The following SPRY3 variants were observed in gnomAD, a reference collection of about 807,000 sequenced individuals.
The protein encoded by SPRY3 is sprouty RTK signaling antagonist 3, also known as protein sprouty homolog 3.
In SPRY3, 15 loss-of-function variants were observed where a neutral mutation model predicts 20.2. The ratio of observed to expected loss-of-function variants is 0.74; its 90% CI spans 0.50 to 1.14. SPRY3 has a LOEUF of 1.14. Among genes scored for constraint, SPRY3 ranks in the 50% most tolerant of loss-of-function variants. The pLI is 0.00. For synonymous variants in SPRY3, 143 were observed against 136.5 expected (o/e 1.05, Z -0.33); for missense variants, 364 against 363.9 (o/e 1.00, Z 0.00).
intron 2 of SPRY3, among the ~76,000 whole-genome samples, chrX:155,680,372 A>T (rs1249369151): frequency 9.1e-6 from 1 of 109,683 alleles, no homozygotes; most frequent in African/African-American, 3.3e-5. Flanking sequence ...TGACGACTTA[A>T]GGTAGAAATG....
At chrX:155,704,882 A>T (rs976606753) in intron 2 of SPRY3, among the ~76,000 whole-genome samples, 2 of 151,630 alleles carry the variant, frequency 1.3e-5, no homozygotes, top group Admixed American at 1.3e-4. Flanking sequence ...TAGAAAGAAT[A>T]ATTTGTCAAC....
intron 2 of SPRY3, among the ~76,000 whole-genome samples, chrX:155,742,599 C>G (rs1210251112): frequency 6.6e-6 from 1 of 152,114 alleles, no homozygotes; most frequent in Non-Finnish European, 1.5e-5. Context: ...GTAAGTAAAA[C>G]ACTCCTCAGC....
intron 2 of SPRY3, among the ~76,000 whole-genome samples, chrX:155,688,307 C>G (rs1041376971): frequency 3.6e-5 from 4 of 110,498 alleles, no homozygotes; most frequent in Non-Finnish European, 5.7e-5. Context: ...TAGGTTTATT[C>G]CATGTCTTTG....
intron 1 of SPRY3, among the ~76,000 whole-genome samples, chrX:155,643,495 A>G (rs2067948480): frequency 9.0e-6 from 1 of 111,482 alleles, no homozygotes; most frequent in Admixed American, 9.5e-5. Context: ...TACTACTGCC[A>G]TATTGTTATT....
At chrX:155,685,049 A>G (rs757089323) in intron 2 of SPRY3, among the ~76,000 whole-genome samples, 3 of 111,797 alleles carry the variant, frequency 2.7e-5, no homozygotes, top group Non-Finnish European at 5.6e-5. Context: ...CAGCAATTTG[A>G]TTATGATGTA....
At chrX:155,748,618 C>G (rs962791639) in intron 2 of SPRY3, among the ~76,000 whole-genome samples, 1 of 151,780 alleles carries the variant, frequency 6.6e-6, no homozygotes, top group South Asian at 2.1e-4. Flanking sequence ...AAGACGAAGA[C>G]TTCTAAAGGA....
intron 2 of SPRY3, among the ~76,000 whole-genome samples, chrX:155,719,653 C>G (rs1445894527): frequency 6.6e-6 from 1 of 152,090 alleles, no homozygotes; most frequent in East Asian, 1.9e-4. Context: ...CAGGATAGGG[C>G]ATTGGTCAGA....
chrX:155,641,487 G>A (rs1557351411), intron 1 of SPRY3, among the ~76,000 whole-genome samples: 1 of 115,085 alleles, frequency 8.7e-6, no homozygotes, highest in Non-Finnish European at 1.9e-5. Context: ...AGAGAAAAAA[G>A]CTGTAGGCTT....
At chrX:155,619,997 C>A (rs1557349261) in intron 1 of SPRY3, among the ~76,000 whole-genome samples, 1 of 111,745 alleles carries the variant, frequency 8.9e-6, no homozygotes. Flanking sequence ...CACAACACTT[C>A]ACACAAGCTA....
exon 4 of SPRY3, chrX:155,774,251 G>A: frequency 6.2e-7 from 1 of 1,613,992 alleles, no homozygotes; most frequent in Middle Eastern, 1.7e-4. Context: ...AAGGCTGATG[G>A]TGCTCTGAAG....
At chrX:155,627,601 G>GAT (rs1301908280) in intron 1 of SPRY3, among the ~76,000 whole-genome samples, 1 of 110,770 alleles carries the variant, frequency 9.0e-6, no homozygotes, top group Non-Finnish European at 1.9e-5. Context: ...ATTTTCTTTG[G>GAT]ATATATACCC....
intron 2 of SPRY3, among the ~76,000 whole-genome samples, chrX:155,679,044 T>TC (rs2068065807): frequency 9.1e-6 from 1 of 110,208 alleles, no homozygotes; most frequent in East Asian, 2.9e-4. Context: ...CCAGGGCCTG[T>TC]AGGGGCGTGG....
intron 2 of SPRY3, among the ~76,000 whole-genome samples, chrX:155,764,864 A>G (rs1174937680): frequency 6.6e-6 from 1 of 152,178 alleles, no homozygotes; most frequent in Non-Finnish European, 1.5e-5. Context: ...ACTGTAACAA[A>G]ATACCTTTGA....
intron 2 of SPRY3, among the ~76,000 whole-genome samples, chrX:155,713,424 TTGTC>T (rs2091000659): frequency 6.6e-6 from 1 of 152,120 alleles, no homozygotes; most frequent in Admixed American, 6.6e-5. Context: ...CAGCTTTTGT[TTGTC>T]TGGGAATGTA....
chrX:155,652,436 ACT>A (rs1453060333), intron 1 of SPRY3, among the ~76,000 whole-genome samples: 1 of 110,050 alleles, frequency 9.1e-6, no homozygotes, highest in African/African-American at 3.3e-5. Context: ...CCATCCTTCT[ACT>A]CTCTATCTCC....
intron 2 of SPRY3, among the ~76,000 whole-genome samples, chrX:155,682,263 A>G (rs750750543): frequency 2.5e-4 from 28 of 112,789 alleles, no homozygotes; most frequent in Non-Finnish European, 4.5e-4. Context: ...TGTTTACAGC[A>G]TAGTTTACTG....
intron 2 of SPRY3, among the ~76,000 whole-genome samples, chrX:155,728,190 C>A (rs767906764): frequency 6.6e-6 from 1 of 152,164 alleles, no homozygotes; most frequent in Non-Finnish European, 1.5e-5. Context: ...CTGGAAGCTT[C>A]GTCCCAGAGG....
chrX:155,716,561 G>T (rs888756211), intron 2 of SPRY3, among the ~76,000 whole-genome samples: 2 of 151,440 alleles, frequency 1.3e-5, no homozygotes, highest in African/African-American at 2.4e-5. Flanking sequence ...ACTTAATTCT[G>T]GCTCTTTCCC....
At chrX:155,628,000 T>A (rs2067893715) in intron 1 of SPRY3, among the ~76,000 whole-genome samples, 1 of 111,801 alleles carries the variant, frequency 8.9e-6, no homozygotes, top group Admixed American at 9.5e-5. Flanking sequence ...TTCCTTTTTA[T>A]GGCTGCATAG....
Sources: allele counts gnomAD v4.1 joint callset (sites outside exome capture counted in the v4.1 genomes callset), GRCh38; gene constraint gnomAD v4.1.1; transcripts MANE v1.5; gene names NCBI Gene and HGNC (gene_info 2026-07-23, HGNC 2026-07-21).